Variants in KCNIP4 observed in about 807,000 individuals in gnomAD.
KCNIP4 encodes Kv channel-interacting protein 4.
In KCNIP4, 12 loss-of-function variants were observed where a neutral mutation model predicts 34.0. The observed-to-expected ratio is 0.35, with a 90% CI of 0.23 to 0.57. KCNIP4 has a LOEUF of 0.57. KCNIP4 is among the 20% of genes least tolerant of loss of function. The probability of loss-of-function intolerance (pLI) is 0.83; values close to 1 mark genes in which losing one functional copy is unlikely to be tolerated. For synonymous variants in KCNIP4, 124 were observed against 102.2 expected (o/e 1.21, Z -1.29); for missense variants, 238 against 311.7 (o/e 0.76, Z 1.78).
At chr4:21,823,477 C>T (rs1722490378) in intron 1 of KCNIP4, among the ~76,000 whole-genome samples, 1 of 148,722 alleles carries the variant, frequency 6.7e-6, no homozygotes, top group South Asian at 2.2e-4. Flanking sequence ...CTTGTCCAAA[C>T]ATAAATGTGC....
At chr4:21,811,330 G>T (rs1415494953) in intron 1 of KCNIP4, among the ~76,000 whole-genome samples, 1 of 152,158 alleles carries the variant, frequency 6.6e-6, no homozygotes, top group African/African-American at 2.4e-5. Context: ...TTGCCATAGG[G>T]TATACAGTAC....
rs973927090 is a variant in KCNIP4, at chr4:21,325,084, A to C, written c.62-442375T>G. Among the ~76,000 whole-genome samples, 8 of 151,886 alleles carry C rather than the reference A, an allele frequency of 5.3e-5. 1 individual carries two copies. The highest frequency in any genetic ancestry group is 4.6e-4 in the Admixed American group (7 of 15,244). ...CTGTTGACATATAGAAATACTATGG[A>C]TTTTTATATTGACTTTGTATCCTGC... On this transcript the variant is annotated intron_variant, in intron 1 of 8. Coordinates refer to ENST00000382152, the MANE Select transcript of KCNIP4 (RefSeq NM_025221.6).
At chr4:21,400,847 T>G in intron 1 of KCNIP4, among the ~76,000 whole-genome samples, 1 of 152,118 alleles carries the variant, frequency 6.6e-6, no homozygotes, top group East Asian at 1.9e-4. Flanking sequence ...TGGTGATAGT[T>G]GCAGATCTGG....
intron 1 of KCNIP4, among the ~76,000 whole-genome samples, chr4:21,363,586 A>G (rs530361779): frequency 2.0e-4 from 30 of 152,256 alleles, no homozygotes; most frequent in African/African-American, 6.5e-4. Flanking sequence ...GGCAAATTGA[A>G]TTTTTCAAAT....
At chr4:21,233,271 C>T (rs1758930911) in intron 1 of KCNIP4, among the ~76,000 whole-genome samples, 2 of 152,020 alleles carry the variant, frequency 1.3e-5, no homozygotes, top group Non-Finnish European at 2.9e-5. Context: ...GAACTGAAGC[C>T]AGAATGTAGT....
chr4:21,282,616 G>C (rs890440750), intron 1 of KCNIP4, among the ~76,000 whole-genome samples: 2 of 152,146 alleles, frequency 1.3e-5, no homozygotes, highest in African/African-American at 4.8e-5. Flanking sequence ...ACAGGTTTAT[G>C]TTATCCAGTG....
intron 1 of KCNIP4, among the ~76,000 whole-genome samples, chr4:21,551,874 A>G (rs1374613621): frequency 6.6e-6 from 1 of 152,068 alleles, no homozygotes; most frequent in African/African-American, 2.4e-5. Flanking sequence ...GCGAGAAAGG[A>G]TACCAGTGAA....
chr4:21,221,620 G>A (rs1757989215), intron 1 of KCNIP4, among the ~76,000 whole-genome samples: 1 of 152,152 alleles, frequency 6.6e-6, no homozygotes, highest in Non-Finnish European at 1.5e-5. Flanking sequence ...CCCTTGACAT[G>A]TGGAGATTAT....
chr4:21,372,053 G>T (rs1407505490), intron 1 of KCNIP4, among the ~76,000 whole-genome samples: 3 of 147,056 alleles, frequency 2.0e-5, no homozygotes, highest in East Asian at 4.0e-4. Context: ...AACAAAATTT[G>T]GTGCTTCAGA....
At chr4:21,330,262 AAAG>A (rs1715497803) in intron 1 of KCNIP4, among the ~76,000 whole-genome samples, 1 of 152,206 alleles carries the variant, frequency 6.6e-6, no homozygotes. Context: ...ATGTACAATT[AAAG>A]AAGTTGTCAA....
At position 21,059,051 on chromosome 4, in the gene KCNIP4, C is replaced by T. The variant is rs747280447; in HGVS notation, c.62-176342G>A. On this transcript the variant is annotated intron_variant, in intron 1 of 8. Coordinates refer to ENST00000382152, the MANE Select transcript of KCNIP4 (RefSeq NM_025221.6). Reference sequence around the variant, plus strand: ...CTGTCTTGCCTGCTGCCATGTAAGACGTCCCTTTGCTCTTCCTTCATCTTC... The same window carrying T: ...CTGTCTTGCCTGCTGCCATGTAAGATGTCCCTTTGCTCTTCCTTCATCTTC... 7.7e-4 allele frequency among the ~76,000 whole-genome samples: 117 copies of T among 152,252 alleles called. 1 individual carries two copies. The highest frequency in any genetic ancestry group is 9.7e-4 in the Non-Finnish European group (66 of 68,018).
chr4:21,779,642 G>A (rs1302006386), intron 1 of KCNIP4, among the ~76,000 whole-genome samples: 1 of 152,082 alleles, frequency 6.6e-6, no homozygotes, highest in African/African-American at 2.4e-5. Context: ...GATAGTTCAC[G>A]TCTGTAATCC....
chr4:21,572,989 T>C (rs1172110158), intron 1 of KCNIP4, among the ~76,000 whole-genome samples: 1 of 152,154 alleles, frequency 6.6e-6, no homozygotes, highest in Non-Finnish European at 1.5e-5. Context: ...TATCTCTTAG[T>C]TGTACTACAA....
At chr4:21,275,730 C>G (rs539483567) in intron 1 of KCNIP4, among the ~76,000 whole-genome samples, 2 of 152,138 alleles carry the variant, frequency 1.3e-5, no homozygotes, top group Non-Finnish European at 2.9e-5. Flanking sequence ...CCTTTCCTTC[C>G]TGTTGTAGGG....
intron 1 of KCNIP4, among the ~76,000 whole-genome samples, chr4:21,588,753 G>T (rs1210497210): frequency 6.6e-6 from 1 of 151,870 alleles, no homozygotes; most frequent in Non-Finnish European, 1.5e-5. Context: ...AGAGAATATT[G>T]TCAGATACCT....
intron 1 of KCNIP4, among the ~76,000 whole-genome samples, chr4:21,615,559 A>T (rs1010090404): frequency 3.7e-5 from 4 of 108,626 alleles, no homozygotes; most frequent in Non-Finnish European, 3.9e-5. Flanking sequence ...AAAACAAAAA[A>T]CAAAACAAAA....
In KCNIP4 at chr4:20,988,131, A is replaced by T. The variant is rs183249701; in HGVS notation, c.62-105422T>A. On this transcript the variant is annotated intron_variant, in intron 1 of 8. Transcript: ENST00000382152. Reference sequence around the variant, plus strand: ...AATCCACTTGCCTGAAGCCTCATATATGGCACTTGGTAGAACTGGGATTTG... The same window carrying T: ...AATCCACTTGCCTGAAGCCTCATATTTGGCACTTGGTAGAACTGGGATTTG... 3.7e-3 allele frequency among the ~76,000 whole-genome samples: 556 copies of T among 152,112 alleles called. 4 individuals are homozygous for T. Among genetic ancestry groups the T allele is most frequent in the East Asian group, 1.9e-3 (10 of 5,168 alleles).
chr4:20,881,435 C>G (rs1342772532), intron 2 of KCNIP4, among the ~76,000 whole-genome samples: 2 of 151,828 alleles, frequency 1.3e-5, no homozygotes, highest in East Asian at 3.9e-4. Context: ...GGAATTCCAC[C>G]TAGATTTTTA....
chr4:21,208,284 C>T (rs968430981), intron 1 of KCNIP4, among the ~76,000 whole-genome samples: 1 of 152,192 alleles, frequency 6.6e-6, no homozygotes, highest in Non-Finnish European at 1.5e-5. Flanking sequence ...CCCACAGTTT[C>T]GTAATTGGCC....
Sources: gnomAD v4.1 joint callset for allele counts (sites outside exome capture counted in the v4.1 genomes callset) on GRCh38, gnomAD v4.1.1 for gene constraint, MANE v1.5 for transcripts, NCBI Gene and HGNC (gene_info 2026-07-23, HGNC 2026-07-21) for gene names.